SORCS2: variants seen among roughly 807,000 people sequenced by gnomAD.
SORCS2 encodes VPS10 domain-containing receptor SorCS2.
Under a neutral mutation model 141.6 loss-of-function variants are expected in SORCS2, and 100 were observed. That is an observed-to-expected ratio of 0.71 (90% CI 0.60 to 0.83). SORCS2 has a LOEUF of 0.83. Among genes scored for constraint, SORCS2 ranks in the 40% least tolerant of loss-of-function variants. The pLI is 0.00. For synonymous variants in SORCS2, 789 were observed against 676.9 expected, an observed-to-expected ratio of 1.17 and a Z score of -2.57; for missense variants, 1,646 against 1,560.2, an observed-to-expected ratio of 1.05 and a Z score of -0.93.
In SORCS2 at chr4:7,363,381, G is replaced by A. The variant is rs918810392; in HGVS notation, c.481-32907G>A. Among the ~76,000 whole-genome samples, 136 of 145,434 alleles carry A rather than the reference G, an allele frequency of 9.4e-4. 1 individual carries two copies. In the East Asian group the frequency reaches 0.02, roughly 22 times the overall value. On this transcript the variant is annotated intron_variant, in intron 1 of 26. Coordinates refer to ENST00000507866, the MANE Select transcript of SORCS2 (RefSeq NM_020777.3). ...CATTACTATCACCACTATCACCACC[G>A]TCATTGCTACCAACACCATCACTGT...
rs1724082163 is a variant in SORCS2 at position 7,689,526 on chromosome 4, A to G, written c.1529A>G (p.Asn510Ser). 1.2e-6 allele frequency: 2 copies of G among 1,606,772 alleles called. No individual in the cohort carries two copies. Among genetic ancestry groups the G allele is most frequent in the Non-Finnish European group, 1.7e-6 (2 of 1,177,274 alleles). The change falls in exon 11 of 27, where the codon AAC becomes AGC. Residue 510 changes from asparagine to serine, a missense_variant. Transcript: ENST00000507866. ...CACCTGCACCTGCGCTGGGCAGACA[A>G]CCCCTACGTATCAGGCACCGTGCAC... ...HLHLHLRWAD[N>S]PYVSGTVHTK...
chr4:7,640,490 A>G (rs142759777), intron 4 of SORCS2, among the ~76,000 whole-genome samples: 118 of 111,432 alleles, frequency 1.1e-3, no homozygotes, highest in South Asian at 6.3e-3. Context: ...GAGAGAGCCT[A>G]TGTGAGCGTA....
chr4:7,406,793 C>T (rs1404939073), intron 2 of SORCS2, among the ~76,000 whole-genome samples: 1 of 151,270 alleles, frequency 6.6e-6, no homozygotes, highest in Non-Finnish European at 1.5e-5. Flanking sequence ...TTTTCTAGTT[C>T]CTTGATTTTT....
intron 1 of SORCS2, among the ~76,000 whole-genome samples, chr4:7,376,646 T>A (rs149590406): frequency 7.9e-5 from 12 of 152,346 alleles, no homozygotes; most frequent in African/African-American, 2.2e-4. Context: ...CACTCAGGCA[T>A]ATTTTTTTCT....
At chr4:7,383,459 A>G (rs1391999589) in intron 1 of SORCS2, among the ~76,000 whole-genome samples, 1 of 152,186 alleles carries the variant, frequency 6.6e-6, no homozygotes, top group Non-Finnish European at 1.5e-5. Context: ...TTGTTTCTAA[A>G]GAGAAATTCT....
intron 1 of SORCS2, among the ~76,000 whole-genome samples, chr4:7,251,122 G>A (rs1464674396): frequency 6.6e-6 from 1 of 152,204 alleles, no homozygotes; most frequent in African/African-American, 2.4e-5. Context: ...GGTGACTGAA[G>A]CCCAATTCAA....
chr4:7,347,728 C>T (rs1720722484), intron 1 of SORCS2, among the ~76,000 whole-genome samples: 1 of 152,192 alleles, frequency 6.6e-6, no homozygotes, highest in Admixed American at 6.5e-5. Context: ...GTTTAAACCA[C>T]AGTATCTCAA....
chr4:7,329,263 C>G (rs893204373), intron 1 of SORCS2, among the ~76,000 whole-genome samples: 2 of 152,212 alleles, frequency 1.3e-5, no homozygotes, highest in Non-Finnish European at 2.9e-5. Flanking sequence ...GTCAGTCTGC[C>G]TACGTGGACC....
intron 1 of SORCS2, among the ~76,000 whole-genome samples, chr4:7,361,654 A>T (rs1325855449): frequency 7.2e-5 from 11 of 152,122 alleles, no homozygotes; most frequent in African/African-American, 2.7e-4. Flanking sequence ...ACAGTCCAGC[A>T]GGAGACACGC....
At chr4:7,662,001 A>G (rs1229598885) in intron 6 of SORCS2, among the ~76,000 whole-genome samples, 1 of 152,152 alleles carries the variant, frequency 6.6e-6, no homozygotes, top group Non-Finnish European at 1.5e-5. Context: ...TCCTCTGTGC[A>G]GGATCACCTG....
chr4:7,416,687 C>T (rs28372606), intron 2 of SORCS2, among the ~76,000 whole-genome samples: 4 of 151,648 alleles, frequency 2.6e-5, no homozygotes, highest in Admixed American at 6.6e-5. Context: ...CACTCAGACA[C>T]GCATGCATGC....
At chr4:7,492,815 A>G (rs922139098) in intron 2 of SORCS2, among the ~76,000 whole-genome samples, 9 of 152,230 alleles carry the variant, frequency 5.9e-5, no homozygotes, top group African/African-American at 2.2e-4. Context: ...TAACAGCACC[A>G]GGGAGGAAGA....
chr4:7,598,456 G>A (rs1717432602), intron 3 of SORCS2, among the ~76,000 whole-genome samples: 1 of 152,152 alleles, frequency 6.6e-6, no homozygotes, highest in Non-Finnish European at 1.5e-5. Context: ...ATTGATGTAG[G>A]AGCTGATTAG....
At chr4:7,620,677 G>A (rs943282149) in intron 3 of SORCS2, among the ~76,000 whole-genome samples, 7 of 152,244 alleles carry the variant, frequency 4.6e-5, no homozygotes, top group African/African-American at 1.7e-4. Flanking sequence ...CCCTGACAAA[G>A]CTGGGTTTGT....
chr4:7,295,695 A>C (rs1176627548), intron 1 of SORCS2, among the ~76,000 whole-genome samples: 1 of 152,204 alleles, frequency 6.6e-6, no homozygotes, highest in Non-Finnish European at 1.5e-5. Flanking sequence ...CGGCACTCTC[A>C]GCCTTATTGT....
intron 23 of SORCS2, among the ~76,000 whole-genome samples, chr4:7,732,511 C>T (rs1029647101): frequency 2.0e-5 from 3 of 152,166 alleles, no homozygotes; most frequent in Non-Finnish European, 4.4e-5. Context: ...TGGCCCCTGC[C>T]CTCTCCAGCT....
chr4:7,434,503 G>A (rs773421988), intron 2 of SORCS2: 12 of 1,612,108 alleles, frequency 7.4e-6, no homozygotes, highest in African/African-American at 1.3e-5. Context: ...GGCACTGTCC[G>A]GGGCCCCACG....
intron 2 of SORCS2, among the ~76,000 whole-genome samples, chr4:7,467,166 G>C (rs112535157): frequency 0.016 from 2,379 of 152,254 alleles, 62 homozygotes; most frequent in African/African-American, 0.054. Flanking sequence ...TGCCACAAGT[G>C]GTCCCCTGGA....
intron 2 of SORCS2, among the ~76,000 whole-genome samples, chr4:7,476,355 G>A (rs1730290753): frequency 1.3e-5 from 2 of 152,286 alleles, no homozygotes; most frequent in South Asian, 2.1e-4. Context: ...AGGAGTGGGT[G>A]CAGCCCACGT....
Sources: gnomAD v4.1 joint callset for allele counts (sites outside exome capture counted in the v4.1 genomes callset) on GRCh38, gnomAD v4.1.1 for gene constraint, MANE v1.5 for transcripts, NCBI Gene and HGNC (gene_info 2026-07-23, HGNC 2026-07-21) for gene names.